FRAS1: variants seen among roughly 807,000 people sequenced by gnomAD.
The protein encoded by FRAS1 is extracellular matrix organizing protein FRAS1.
Under a neutral mutation model 435.2 loss-of-function variants are expected in FRAS1, and 290 were observed. The ratio of observed to expected loss-of-function variants is 0.67; its 90% confidence interval spans 0.61 to 0.73. The LOEUF is 0.73. Among genes scored for constraint, FRAS1 ranks in the 30% least tolerant of loss-of-function variants. FRAS1 has a pLI of 0.00. For synonymous variants in FRAS1, 1,800 were observed against 1,851.0 expected (o/e 0.97, Z 0.71); for missense variants, 4,860 against 5,001.5 (o/e 0.97, Z 0.85).
chr4:78,346,913 C>T (rs1407389906), intron 20 of FRAS1, among the ~76,000 whole-genome samples: 1 of 151,918 alleles, frequency 6.6e-6, no homozygotes, highest in Non-Finnish European at 1.5e-5. Context: ...TTCATTTTTC[C>T]TGCTCCTCTT....
chr4:78,092,896 A>G (rs561417780), intron 2 of FRAS1, among the ~76,000 whole-genome samples: 3 of 152,342 alleles, frequency 2.0e-5, no homozygotes, highest in South Asian at 4.1e-4. Context: ...TTTCTTTTCT[A>G]TATAACCCAG....
chr4:78,173,910 A>G (rs1284155917), intron 2 of FRAS1, among the ~76,000 whole-genome samples: 1 of 152,202 alleles, frequency 6.6e-6, no homozygotes, highest in East Asian at 1.9e-4. Flanking sequence ...TTACACTGTT[A>G]TTCTCAAGGT....
At chr4:78,213,479 A>G (rs1723605608) in intron 2 of FRAS1, among the ~76,000 whole-genome samples, 1 of 152,250 alleles carries the variant, frequency 6.6e-6, no homozygotes. Context: ...GTCTGTCTCT[A>G]TAAAACACAA....
chr4:78,118,032 T>C (rs1718756545), intron 2 of FRAS1, among the ~76,000 whole-genome samples: 1 of 152,230 alleles, frequency 6.6e-6, no homozygotes, highest in Non-Finnish European at 1.5e-5. Context: ...TTCTGTTTGT[T>C]AGTTTTCCTT....
At chr4:78,324,491 T>C (rs1015440346) in intron 18 of FRAS1, among the ~76,000 whole-genome samples, 1 of 152,122 alleles carries the variant, frequency 6.6e-6, no homozygotes, top group Non-Finnish European at 1.5e-5. Context: ...CATGTGGGTA[T>C]ATATCCCTTT....
chr4:78,152,607 C>CTT (rs71214398), intron 2 of FRAS1, among the ~76,000 whole-genome samples: 3,810 of 72,328 alleles, frequency 0.053, 341 homozygotes, highest in Admixed American at 0.063. Context: ...ATGTAGGCTG[C>CTT]TTTTTTTTTT....
chr4:78,289,367 A>G (rs1270960681), intron 14 of FRAS1, among the ~76,000 whole-genome samples: 1 of 152,230 alleles, frequency 6.6e-6, no homozygotes, highest in Admixed American at 6.5e-5. Flanking sequence ...TGTTGTAATT[A>G]TAGGCCACAT....
At chr4:78,111,805 A>G (rs1341301104) in intron 2 of FRAS1, among the ~76,000 whole-genome samples, 1 of 151,832 alleles carries the variant, frequency 6.6e-6, no homozygotes, top group Non-Finnish European at 1.5e-5. Context: ...GCAACAATGT[A>G]AAAGTCCTGA....
intron 2 of FRAS1, among the ~76,000 whole-genome samples, chr4:78,216,610 G>A (rs1485963793): frequency 2.0e-5 from 3 of 152,188 alleles, no homozygotes; most frequent in African/African-American, 7.2e-5. Context: ...CTGCAGTTGT[G>A]GGCCCTGGCA....
chr4:78,444,844 G>A (rs1718741876), intron 41 of FRAS1, among the ~76,000 whole-genome samples: 1 of 152,118 alleles, frequency 6.6e-6, no homozygotes, highest in Non-Finnish European at 1.5e-5. Flanking sequence ...GCGCCTCAGT[G>A]CCTGAATCCC....
At chr4:78,438,369 G>C (rs1241455582) in intron 38 of FRAS1, among the ~76,000 whole-genome samples, 1 of 152,138 alleles carries the variant, frequency 6.6e-6, no homozygotes, top group African/African-American at 2.4e-5. Flanking sequence ...AGAAAAATAT[G>C]TTATCAAAGA....
At position 78,284,545 on chromosome 4, in the gene FRAS1, T is replaced by A. The variant is rs12504081; in HGVS notation, c.1396T>A (p.Leu466Ile). The change falls in exon 13 of 74, where the codon TTA (leucine) becomes ATA (isoleucine). Residue 466 changes from leucine to isoleucine, a missense_variant. Leu to Ile is a conservative substitution (Grantham distance 5, BLOSUM62 2). Coordinates refer to ENST00000512123, the MANE Select transcript of FRAS1 (RefSeq NM_025074.7). ...TTTTTACCAAGCTGGCAGTCTCTGT[T>A]TAGGTATGGCTCCAAGTGGACAACC... ...LGFYQAGSLC[L>I]ACQPQCSTCT... 0.36 allele frequency: 571,902 copies of A among 1,609,308 alleles called. 103,537 individuals are homozygous for A. Among genetic ancestry groups the A allele is most frequent in the Admixed American group, 0.41 (24,188 of 59,576 alleles).
Position 78,202,583 on chromosome 4 carries a change from C to T in FRAS1, c.109-34927C>T, listed in dbSNP as rs371294697. On this transcript the variant is annotated intron_variant, in intron 2 of 73. Coordinates refer to ENST00000512123, the MANE Select transcript of FRAS1 (RefSeq NM_025074.7). ...GTACACGCTTCTAATCCCAGCTACT[C>T]GGGAGGCTGAGGCAGGATAATCTCA... Among the ~76,000 whole-genome samples the T allele has an allele frequency of 2.5e-3, 381 of 152,190 alleles. 1 individual carries two copies. Among genetic ancestry groups the T allele is most frequent in the African/African-American group, 8.5e-3 (353 of 41,516 alleles).
chr4:78,159,820 G>A (rs546413299), intron 2 of FRAS1, among the ~76,000 whole-genome samples: 1 of 152,328 alleles, frequency 6.6e-6, no homozygotes, highest in East Asian at 1.9e-4. Flanking sequence ...GGCAGAGGTT[G>A]TGGTGAGCTG....
chr4:78,335,939 A>T (rs558298368), intron 19 of FRAS1, among the ~76,000 whole-genome samples: 1 of 151,560 alleles, frequency 6.6e-6, no homozygotes, highest in South Asian at 2.1e-4. Context: ...AGGAAAAAAA[A>T]CATTCTATCA....
At chr4:78,146,118 G>GT (rs1326605318) in intron 2 of FRAS1, among the ~76,000 whole-genome samples, 1 of 151,988 alleles carries the variant, frequency 6.6e-6, no homozygotes, top group Non-Finnish European at 1.5e-5. Flanking sequence ...GTAGCATACT[G>GT]TTTTTTTAAT....
intron 32 of FRAS1, among the ~76,000 whole-genome samples, chr4:78,418,678 G>T (rs879460493): frequency 6.6e-6 from 1 of 152,166 alleles, no homozygotes; most frequent in Non-Finnish European, 1.5e-5. Flanking sequence ...AATCCCAACC[G>T]CGTGCACTGG....
chr4:78,433,760 T>G (rs1294206620), intron 38 of FRAS1, among the ~76,000 whole-genome samples: 1 of 152,204 alleles, frequency 6.6e-6, no homozygotes, highest in Non-Finnish European at 1.5e-5. Flanking sequence ...TTCATAAAAA[T>G]GTATGAATTC....
intron 2 of FRAS1, among the ~76,000 whole-genome samples, chr4:78,076,356 C>T (rs891676769): frequency 1.3e-5 from 2 of 152,154 alleles, no homozygotes; most frequent in African/African-American, 4.8e-5. Flanking sequence ...TCCTCCCCAC[C>T]ATCCTGAGGT....
Sources: gnomAD v4.1 joint callset for allele counts (sites outside exome capture counted in the v4.1 genomes callset) on GRCh38, gnomAD v4.1.1 for gene constraint, MANE v1.5 for transcripts, NCBI Gene and HGNC (gene_info 2026-07-23, HGNC 2026-07-21) for gene names.